Variants in ACYP2 observed in about 807,000 individuals in gnomAD.
ACYP2 encodes the protein acylphosphatase 2.
In ACYP2, 12 loss-of-function variants were observed where a neutral mutation model predicts 11.2. The observed-to-expected ratio is 1.08, with a 90% CI of 0.69 to 1.74. The LOEUF is 1.74. Among genes scored for constraint, ACYP2 ranks in the 40% most tolerant of loss-of-function variants. ACYP2 has a pLI of 0.00. For missense variants in ACYP2, 134 were observed against 101.9 expected (o/e 1.31, Z -1.35); for synonymous variants, 43 against 32.2 (o/e 1.33, Z -1.13).
chr2:54,150,036 T>G (rs1474051628), intron 6 of ACYP2, among the ~76,000 whole-genome samples: 3 of 152,214 alleles, frequency 2.0e-5, no homozygotes, highest in Non-Finnish European at 4.4e-5. Context: ...ACAACAAGTT[T>G]TCCTGTAAAG....
At chr2:54,072,513 T>TTTTCTTCTTTCTTTCC (rs148411653) in intron 4 of ACYP2, among the ~76,000 whole-genome samples, 1 of 146,056 alleles carries the variant, frequency 6.8e-6, no homozygotes, top group Non-Finnish European at 1.5e-5. Flanking sequence ...CTCTCTCTCT[T>TTTTCTTCTTTCTTTCC]TCTTTCTTCT....
At chr2:54,100,079 T>A (rs950303293) in intron 4 of ACYP2, among the ~76,000 whole-genome samples, 2 of 152,232 alleles carry the variant, frequency 1.3e-5, no homozygotes, top group African/African-American at 4.8e-5. Context: ...CTTCCAGGTG[T>A]ATCACATACT....
intron 2 of ACYP2, among the ~76,000 whole-genome samples, chr2:54,020,494 T>A (rs1673947837): frequency 1.3e-5 from 2 of 152,192 alleles, no homozygotes; most frequent in Non-Finnish European, 2.9e-5. Context: ...TGGAAGGCTA[T>A]AAAGTTAGTG....
chr2:54,221,367 T>C (rs1685794876), intron 6 of ACYP2, among the ~76,000 whole-genome samples: 1 of 152,204 alleles, frequency 6.6e-6, no homozygotes, highest in Non-Finnish European at 1.5e-5. Context: ...CATCTATATA[T>C]TTTCATTAAG....
At chr2:54,208,972 A>G (rs1440198014) in intron 6 of ACYP2, among the ~76,000 whole-genome samples, 2 of 146,590 alleles carry the variant, frequency 1.4e-5, no homozygotes, top group Non-Finnish European at 3.0e-5. Flanking sequence ...GACAAAAACA[A>G]TTCTTTGCTT....
intron 6 of ACYP2, among the ~76,000 whole-genome samples, chr2:54,240,063 A>ATTTC (rs984385099): frequency 1.3e-5 from 2 of 152,158 alleles, no homozygotes; most frequent in African/African-American, 4.8e-5. Flanking sequence ...AGGGGTGGGA[A>ATTTC]TTTCTTCTCA....
intron 4 of ACYP2, among the ~76,000 whole-genome samples, chr2:54,095,507 C>CG (rs1572738653): frequency 6.7e-6 from 1 of 149,338 alleles, no homozygotes; most frequent in East Asian, 2.0e-4. Context: ...GCTGGCTGGG[C>CG]GGGGGGCTGA....
intron 4 of ACYP2, among the ~76,000 whole-genome samples, chr2:54,130,727 A>G (rs895799266): frequency 6.6e-6 from 1 of 152,234 alleles, no homozygotes. Flanking sequence ...GAAATAATTT[A>G]GAAAATGAGT....
At chr2:54,289,760 TA>T (rs991762694) in intron 6 of ACYP2, among the ~76,000 whole-genome samples, 8 of 149,260 alleles carry the variant, frequency 5.4e-5, no homozygotes, top group South Asian at 2.1e-4. Flanking sequence ...TAGGAGAATC[TA>T]AAAAAAAAAT....
chr2:54,019,820 A>G (rs1262922866), intron 2 of ACYP2, among the ~76,000 whole-genome samples: 1 of 151,076 alleles, frequency 6.6e-6, no homozygotes, highest in Non-Finnish European at 1.5e-5. Flanking sequence ...GGGTTTTACC[A>G]TGTTGATCAG....
chr2:54,007,396 G>A (rs1159999089), intron 2 of ACYP2, among the ~76,000 whole-genome samples: 1 of 151,758 alleles, frequency 6.6e-6, no homozygotes, highest in Non-Finnish European at 1.5e-5. Flanking sequence ...TGGGACTACA[G>A]GCATGTGCCA....
At chr2:54,057,760 T>G (rs1264168571) in intron 4 of ACYP2, among the ~76,000 whole-genome samples, 3 of 152,148 alleles carry the variant, frequency 2.0e-5, no homozygotes, top group African/African-American at 7.2e-5. Context: ...TTTGGCAGTT[T>G]GTAAGGTGAA....
At chr2:54,206,260 C>A (rs1466547085) in intron 6 of ACYP2, among the ~76,000 whole-genome samples, 1 of 152,088 alleles carries the variant, frequency 6.6e-6, no homozygotes, top group Non-Finnish European at 1.5e-5. Flanking sequence ...TATTTGTTTG[C>A]AAATAATTTT....
chr2:54,234,853 C>T (rs1686401145), intron 6 of ACYP2, among the ~76,000 whole-genome samples: 1 of 152,088 alleles, frequency 6.6e-6, no homozygotes, highest in African/African-American at 2.4e-5. Flanking sequence ...ATTCTTCCAC[C>T]CAAGCTTCAC....
chr2:54,275,558 G>C (rs775683770), intron 6 of ACYP2, among the ~76,000 whole-genome samples: 1 of 152,152 alleles, frequency 6.6e-6, no homozygotes, highest in Non-Finnish European at 1.5e-5. Flanking sequence ...GAATAATTTA[G>C]GAATGGGGAA....
chr2:54,018,858 C>T (rs1041859249), intron 2 of ACYP2, among the ~76,000 whole-genome samples: 3 of 152,016 alleles, frequency 2.0e-5, no homozygotes, highest in African/African-American at 7.2e-5. Flanking sequence ...AGTGATTCTC[C>T]TGCCTCAGCC....
At chr2:54,095,289 T>C (rs1465059896) in intron 4 of ACYP2, among the ~76,000 whole-genome samples, 1 of 152,252 alleles carries the variant, frequency 6.6e-6, no homozygotes, top group Non-Finnish European at 1.5e-5. Context: ...TACTTCTTTC[T>C]ACACAGACAC....
At position 54,008,680 on chromosome 2, in the gene ACYP2, T is replaced by C. The variant is rs149982374; in HGVS notation, c.62+34870T>C. On this transcript the variant is annotated intron_variant, in intron 2 of 6. Coordinates refer to ENST00000607452, the MANE Select transcript of ACYP2 (RefSeq NM_001320586.2). ...CTGGTTAATTATTATTACTATTAGTTTTTGTAAATATGGGGTTTTGCCATG... is the reference window on the plus strand; with the variant it reads ...CTGGTTAATTATTATTACTATTAGTCTTTGTAAATATGGGGTTTTGCCATG... 4.5e-4 allele frequency among the ~76,000 whole-genome samples: 68 copies of C among 152,260 alleles called. 1 individual carries two copies. The East Asian group carries it at 0.012, about 28-fold the overall frequency.
chr2:54,196,229 C>G (rs1422125238), intron 6 of ACYP2, among the ~76,000 whole-genome samples: 1 of 152,130 alleles, frequency 6.6e-6, no homozygotes, highest in African/African-American at 2.4e-5. Context: ...CAGGGCCTCA[C>G]TCTGTCAGCC....
Sources: allele counts gnomAD v4.1 joint callset (sites outside exome capture counted in the v4.1 genomes callset), GRCh38; gene constraint gnomAD v4.1.1; transcripts MANE v1.5; gene names NCBI Gene and HGNC (gene_info 2026-07-23, HGNC 2026-07-21).